TENM2: variants seen among roughly 807,000 people sequenced by gnomAD.
TENM2 encodes teneurin transmembrane protein 2, also known as teneurin-2.
In TENM2, 52 loss-of-function variants were observed where a neutral mutation model predicts 245.2. That is an observed-to-expected ratio of 0.21 (90% CI 0.17 to 0.27). The LOEUF (loss-of-function observed/expected upper bound fraction) is 0.27. Among genes scored for constraint, TENM2 ranks in the 10% least tolerant of loss-of-function variants. The pLI is 1.00. For missense variants in TENM2, 3,046 were observed against 3,666.8 expected (o/e 0.83, Z 4.37); for synonymous variants, 1,363 against 1,438.9 (o/e 0.95, Z 1.19).
At chr5:167,952,288 C>A in intron 3 of TENM2, 1 of 496,896 alleles carries the variant, frequency 2.0e-6, no homozygotes, top group Non-Finnish European at 3.6e-6. Flanking sequence ...ATGTTACTTT[C>A]ATTGCAGTAT....
At chr5:167,439,738 C>T (rs188421219) in intron 2 of TENM2, among the ~76,000 whole-genome samples, 8 of 152,296 alleles carry the variant, frequency 5.3e-5, no homozygotes, top group African/African-American at 1.9e-4. Flanking sequence ...TATCCTTCTT[C>T]ATCTGTTTGC....
At chr5:168,126,628 C>T in intron 11 of TENM2, 126 bp from the exon 14 acceptor site, 1 of 689,624 alleles carries the variant, frequency 1.5e-6, no homozygotes, top group Non-Finnish European at 2.5e-6. Context: ...AGACAAGCCT[C>T]CAAAGATGAC....
intron 1 of TENM2, among the ~76,000 whole-genome samples, chr5:167,369,195 C>A (rs1581861164): frequency 6.6e-6 from 1 of 152,118 alleles, no homozygotes. Flanking sequence ...GGCTCCAGGA[C>A]CCTGTTAAGT....
chr5:168,093,576 T>A (rs572267033), intron 8 of TENM2, among the ~76,000 whole-genome samples: 2 of 152,256 alleles, frequency 1.3e-5, no homozygotes, highest in South Asian at 4.1e-4. Flanking sequence ...ACTAAATATA[T>A]CTTTGACTCA....
chr5:168,082,966 ACT>A (rs1006528135), intron 7 of TENM2, among the ~76,000 whole-genome samples: 40 of 151,824 alleles, frequency 2.6e-4, no homozygotes, highest in Non-Finnish European at 3.1e-4. Flanking sequence ...GAGAAGCACT[ACT>A]CTCTTCATAG....
chr5:167,196,464 A>ACG, the TENM2 span, among the ~76,000 whole-genome samples: 1 of 149,536 alleles, frequency 6.7e-6, no homozygotes, highest in African/African-American at 2.5e-5. Context: ...GTATATATAT[A>ACG]TGTGTGTATA....
chr5:167,903,538 T>A (rs1045656536), intron 3 of TENM2, among the ~76,000 whole-genome samples: 1 of 20,372 alleles, frequency 4.9e-5, no homozygotes, highest in South Asian at 2.0e-3. Context: ...GGGGTGGGGG[T>A]GGAGGGTGGA....
At chr5:167,337,807 T>C (rs1561873330) in intron 1 of TENM2, among the ~76,000 whole-genome samples, 1 of 152,182 alleles carries the variant, frequency 6.6e-6, no homozygotes, top group Non-Finnish European at 1.5e-5. Flanking sequence ...GGAAATGTAG[T>C]TGAGATTATA....
chr5:167,621,404 G>T (rs1487969522), intron 2 of TENM2, among the ~76,000 whole-genome samples: 2 of 152,042 alleles, frequency 1.3e-5, no homozygotes, highest in African/African-American at 2.4e-5. Context: ...TCTGGGGAGA[G>T]CCTGTCAAAT....
intron 12 of TENM2, among the ~76,000 whole-genome samples, chr5:168,141,095 C>T (rs1201796105): frequency 6.6e-6 from 1 of 152,040 alleles, no homozygotes; most frequent in African/African-American, 2.4e-5. Context: ...CATATGTGCT[C>T]TATGTCCTGC....
the TENM2 span, among the ~76,000 whole-genome samples, chr5:167,013,995 C>T: frequency 3.9e-5 from 6 of 152,114 alleles, no homozygotes; most frequent in African/African-American, 1.4e-4. Flanking sequence ...TCAATGAAGC[C>T]TGAAGTAGAA....
intron 2 of TENM2, among the ~76,000 whole-genome samples, chr5:167,819,994 T>G (rs1767384780): frequency 6.6e-6 from 1 of 152,194 alleles, no homozygotes; most frequent in Admixed American, 6.5e-5. Flanking sequence ...TTTTTTGTAT[T>G]GCCTCAACTT....
the TENM2 span, among the ~76,000 whole-genome samples, chr5:167,087,821 G>T: frequency 1.3e-5 from 2 of 150,030 alleles, no homozygotes; most frequent in Non-Finnish European, 3.0e-5. Flanking sequence ...ACAGAGTCTT[G>T]CTCTGTTGCC....
intron 1 of TENM2, among the ~76,000 whole-genome samples, chr5:167,369,543 C>T (rs552044161): frequency 6.6e-6 from 1 of 151,944 alleles, no homozygotes; most frequent in African/African-American, 2.4e-5. Context: ...ATATTACTTT[C>T]TGCTATCAGC....
In TENM2 at chr5:167,544,382, C is replaced by T. The variant is rs570670150; in HGVS notation, c.502+168909C>T. On this transcript the variant is annotated intron_variant, in intron 2 of 28. Coordinates refer to ENST00000518659, the Ensembl canonical transcript of TENM2. ...ATCCTATTACATAGCATGAAAATCA[C>T]GCGGTGCCATTTAGCATAATAATAC... Among the ~76,000 whole-genome samples, 11 of 152,208 alleles carry T rather than the reference C, an allele frequency of 7.2e-5. No individual in the cohort carries two copies. In the South Asian group the frequency reaches 2.1e-3, roughly 29 times the overall value.
chr5:167,065,808 C>A, the TENM2 span, among the ~76,000 whole-genome samples: 25 of 152,292 alleles, frequency 1.6e-4, no homozygotes, highest in East Asian at 3.3e-3. Context: ...GAAAATTTAT[C>A]ATAGACAACA....
the TENM2 span, among the ~76,000 whole-genome samples, chr5:167,240,198 T>G: frequency 1.3e-5 from 2 of 152,170 alleles, no homozygotes. Flanking sequence ...CTAAATAATA[T>G]GAACAGCATC....
chr5:168,260,648 T>C (rs1374704042), intron 28 of TENM2, among the ~76,000 whole-genome samples: 3 of 152,204 alleles, frequency 2.0e-5, no homozygotes, highest in Non-Finnish European at 2.9e-5. Context: ...TCATTATCTG[T>C]TCAGTAGAAT....
chr5:167,115,266 G>T, the TENM2 span, among the ~76,000 whole-genome samples: 1 of 152,136 alleles, frequency 6.6e-6, no homozygotes, highest in African/African-American at 2.4e-5. Context: ...TCTACAAAAT[G>T]ATTTCTGAGA....
Sources: allele counts gnomAD v4.1 joint callset (sites outside exome capture counted in the v4.1 genomes callset), GRCh38; gene constraint gnomAD v4.1.1; transcripts MANE v1.5; gene names NCBI Gene and HGNC (gene_info 2026-07-23, HGNC 2026-07-21).